Variants in PCDH15 observed in about 807,000 individuals in gnomAD.
PCDH15 encodes protocadherin related 15.
A neutral mutation model predicts 178.5 loss-of-function variants in PCDH15; 129 were observed. The ratio of observed to expected loss-of-function variants is 0.72; its 90% CI spans 0.63 to 0.84. PCDH15 has a LOEUF of 0.84. Among genes scored for constraint, PCDH15 ranks in the 40% least tolerant of loss-of-function variants. The pLI, the probability that PCDH15 is intolerant of heterozygous loss-of-function variation, is 0.00. For missense variants in PCDH15, 2,230 were observed against 2,099.9 expected, an observed-to-expected ratio of 1.06 and a Z score of -1.21; for synonymous variants, 800 against 732.0, an observed-to-expected ratio of 1.09 and a Z score of -1.50.
chr10:54,661,184 T>C, intron 2 of PCDH15, among the ~76,000 whole-genome samples: 1 of 152,050 alleles, frequency 6.6e-6, no homozygotes, highest in South Asian at 2.1e-4. Flanking sequence ...CCTGATAAAC[T>C]ACTTCAGTAA....
At chr10:54,225,365 T>C (rs920776835) in intron 9 of PCDH15, among the ~76,000 whole-genome samples, 7 of 152,154 alleles carry the variant, frequency 4.6e-5, no homozygotes, top group African/African-American at 1.7e-4. Context: ...AGAACCAACA[T>C]TTTTTCTGAC....
intron 18 of PCDH15, among the ~76,000 whole-genome samples, chr10:54,061,848 T>TA (rs2094021150): frequency 5.9e-5 from 9 of 152,142 alleles, no homozygotes; most frequent in Admixed American, 5.9e-4. Context: ...ATATGCTGGA[T>TA]AAAACTTTTT....
At chr10:54,506,946 T>G (rs2137605703) in intron 3 of PCDH15, among the ~76,000 whole-genome samples, 1 of 152,144 alleles carries the variant, frequency 6.6e-6, no homozygotes, top group South Asian at 2.1e-4. Flanking sequence ...GATTTTTTTT[T>G]GATCAACTGA....
At chr10:54,582,125 G>T (rs920344715) in intron 2 of PCDH15, among the ~76,000 whole-genome samples, 2 of 151,910 alleles carry the variant, frequency 1.3e-5, no homozygotes, top group African/African-American at 2.4e-5. Context: ...ATTTTAAAAA[G>T]ATCAACAGAG....
chr10:55,151,915 G>A (rs1564841684), intron 2 of PCDH15, among the ~76,000 whole-genome samples: 1 of 151,718 alleles, frequency 6.6e-6, no homozygotes, highest in Non-Finnish European at 1.5e-5. Context: ...GAAAGGATGT[G>A]TTTTTTTATT....
chr10:54,033,617 T>C (rs2093352137), intron 18 of PCDH15, among the ~76,000 whole-genome samples: 3 of 151,938 alleles, frequency 2.0e-5, no homozygotes, highest in African/African-American at 7.2e-5. Flanking sequence ...ACTCATCACT[T>C]CTTAAGTAAT....
chr10:55,495,228 T>C (rs1313533132), intron 2 of PCDH15, among the ~76,000 whole-genome samples: 3 of 151,590 alleles, frequency 2.0e-5, no homozygotes, highest in Non-Finnish European at 3.0e-5. Flanking sequence ...AAAATTACAA[T>C]CAATGGAATA....
At chr10:53,887,681 G>A (rs1244759705) in intron 26 of PCDH15, among the ~76,000 whole-genome samples, 6 of 152,264 alleles carry the variant, frequency 3.9e-5, no homozygotes, top group Non-Finnish European at 5.9e-5. Context: ...GAGGTCAGGA[G>A]ATCCAGACCA....
chr10:55,594,730 A>G (rs1842907011), intron 2 of PCDH15, among the ~76,000 whole-genome samples: 1 of 152,034 alleles, frequency 6.6e-6, no homozygotes, highest in Non-Finnish European at 1.5e-5. Context: ...AATGTGTTTC[A>G]TACTCGATGT....
rs1837388142 is a variant in PCDH15, at chr10:55,376,010, C to G, written c.-155-209359G>C. Among the ~76,000 whole-genome samples, 16 of 151,664 alleles carry G rather than the reference C, an allele frequency of 1.1e-4. No homozygotes were observed. In the South Asian group the frequency reaches 3.1e-3, roughly 30 times the overall value. On this transcript the variant is annotated intron_variant, in intron 2 of 5. Coordinates refer to the PCDH15 transcript ENST00000613346. ...GTTAATATAACATTTTAGTTTAGGA[C>G]CATATTTATCACACTAGATCATAAC...
chr10:54,801,764 C>A (rs1952661684), upstream of PCDH15, among the ~76,000 whole-genome samples: 1 of 152,130 alleles, frequency 6.6e-6, no homozygotes, highest in South Asian at 2.1e-4. Flanking sequence ...CAAAAGTACT[C>A]TTTAGATTTT....
rs867024609 is a variant in PCDH15, at chr10:54,899,632, G to A, written c.-79-2132C>T. 2.0e-5 allele frequency among the ~76,000 whole-genome samples: 3 copies of A among 151,968 alleles called. No homozygotes were observed. In the South Asian group the frequency reaches 6.2e-4, roughly 32 times the overall value. On this transcript the variant is annotated intron_variant, in intron 2 of 5. Transcript: ENST00000458638. ...CTGCCTCAGCCTCCCAGGTAGCTGG[G>A]ACTACAGGTGCCCACCACCAGGCCT...
intron 2 of PCDH15, among the ~76,000 whole-genome samples, chr10:55,583,262 G>A (rs76170218): frequency 0.021 from 3,226 of 152,170 alleles, 120 homozygotes; most frequent in African/African-American, 0.073. Flanking sequence ...TAAAAATATT[G>A]AGGCCACAGA....
chr10:54,645,225 G>A (rs973380587), intron 2 of PCDH15, among the ~76,000 whole-genome samples: 11 of 152,132 alleles, frequency 7.2e-5, no homozygotes, highest in Admixed American at 2.0e-4. Flanking sequence ...GAATGAAGCA[G>A]TTGATATGCA....
intron 3 of PCDH15, among the ~76,000 whole-genome samples, chr10:54,842,474 A>C (rs1393902801): frequency 6.6e-6 from 1 of 151,910 alleles, no homozygotes; most frequent in African/African-American, 2.4e-5. Flanking sequence ...CTCAGGAGGA[A>C]ACCTTGTCAT....
intron 1 of PCDH15, among the ~76,000 whole-genome samples, chr10:54,706,988 C>T (rs1175713294): frequency 6.6e-6 from 1 of 152,140 alleles, no homozygotes; most frequent in East Asian, 1.9e-4. Flanking sequence ...TAGAAGCAAT[C>T]TTCATGATGT....
intron 2 of PCDH15, among the ~76,000 whole-genome samples, chr10:55,432,011 T>G (rs536745654): frequency 6.6e-6 from 1 of 151,932 alleles, no homozygotes; most frequent in Non-Finnish European, 1.5e-5. Context: ...ATATGTTATG[T>G]CAGATTGTGA....
intron 1 of PCDH15, among the ~76,000 whole-genome samples, chr10:55,245,758 G>A (rs907710796): frequency 2.0e-5 from 3 of 152,100 alleles, no homozygotes; most frequent in Non-Finnish European, 4.4e-5. Context: ...TAGATCTAAT[G>A]CCTGGCCCCA....
At chr10:54,124,779 G>A (rs2041850294) in intron 15 of PCDH15, among the ~76,000 whole-genome samples, 2 of 152,026 alleles carry the variant, frequency 1.3e-5, no homozygotes. Context: ...TATTTTACAA[G>A]AAATATTCAT....
Sources: gnomAD v4.1 joint callset for allele counts (sites outside exome capture counted in the v4.1 genomes callset) on GRCh38, gnomAD v4.1.1 for gene constraint, MANE v1.5 for transcripts, NCBI Gene and HGNC (gene_info 2026-07-23, HGNC 2026-07-21) for gene names.